WDR70: variants seen among roughly 807,000 people sequenced by gnomAD.
WDR70 encodes WD repeat-containing protein 70.
A neutral mutation model predicts 88.6 loss-of-function variants in WDR70; 53 were observed. The observed-to-expected ratio is 0.60, with a 90% CI of 0.48 to 0.75. WDR70 has a LOEUF of 0.75. Ranked by LOEUF, WDR70 falls within the 30% of genes least tolerant of loss-of-function variation. WDR70 has a pLI of 0.00. For synonymous variants in WDR70, 280 were observed against 270.0 expected (o/e 1.04, Z -0.36); for missense variants, 610 against 823.2 (o/e 0.74, Z 3.17).
intron 7 of WDR70, among the ~76,000 whole-genome samples, chr5:37,473,633 C>T (rs551359825): frequency 2.1e-4 from 32 of 152,270 alleles, no homozygotes; most frequent in East Asian, 9.6e-4. Context: ...CTTGAGCCAC[C>T]GCGCCTGGCC....
intron 10 of WDR70, among the ~76,000 whole-genome samples, chr5:37,681,509 G>T (rs1008071749): frequency 6.6e-6 from 1 of 152,012 alleles, no homozygotes; most frequent in Admixed American, 6.6e-5. Flanking sequence ...CCTGTTTCTG[G>T]TTTCAAGATC....
chr5:37,694,104 TC>T (rs1746904021), intron 10 of WDR70, among the ~76,000 whole-genome samples: 1 of 152,160 alleles, frequency 6.6e-6, no homozygotes, highest in Admixed American at 6.5e-5. Context: ...AAAATGCTCA[TC>T]GTCACTGATT....
chr5:37,389,286 T>G (rs1748732598), intron 3 of WDR70, among the ~76,000 whole-genome samples: 2 of 128,592 alleles, frequency 1.6e-5, no homozygotes, highest in African/African-American at 9.4e-5. Context: ...AGAGACAGGG[T>G]TTCACCTGTC....
At chr5:37,579,980 T>A (rs1308141587) in intron 9 of WDR70, among the ~76,000 whole-genome samples, 3 of 152,212 alleles carry the variant, frequency 2.0e-5, no homozygotes, top group South Asian at 2.1e-4. Context: ...TCATTAGAGG[T>A]CATACGCTTC....
chr5:37,465,406 A>G (rs1026767952), intron 7 of WDR70, among the ~76,000 whole-genome samples: 1 of 152,236 alleles, frequency 6.6e-6, no homozygotes, highest in Non-Finnish European at 1.5e-5. Flanking sequence ...GTACTCTGGA[A>G]TCAGTACATT....
intron 9 of WDR70, among the ~76,000 whole-genome samples, chr5:37,574,934 G>T (rs1242225917): frequency 1.3e-5 from 2 of 152,034 alleles, no homozygotes; most frequent in African/African-American, 4.8e-5. Context: ...GACCCATGTT[G>T]TCCAGTACAT....
chr5:37,561,936 GAA>G (rs953376466), intron 9 of WDR70, among the ~76,000 whole-genome samples: 2 of 152,154 alleles, frequency 1.3e-5, no homozygotes, highest in African/African-American at 4.8e-5. Flanking sequence ...TAGTGGCAAG[GAA>G]AAAAGAGGCA....
chr5:37,479,234 T>G (rs1739578643), intron 7 of WDR70, among the ~76,000 whole-genome samples: 1 of 152,102 alleles, frequency 6.6e-6, no homozygotes, highest in African/African-American at 2.4e-5. Flanking sequence ...CCAGAAGATT[T>G]AACAGCTGAA....
intron 5 of WDR70, among the ~76,000 whole-genome samples, chr5:37,431,287 A>G (rs1163331020): frequency 6.6e-6 from 1 of 152,260 alleles, no homozygotes; most frequent in Non-Finnish European, 1.5e-5. Flanking sequence ...ATAGTTAATT[A>G]TAAGAGTGAC....
In WDR70 at chr5:37,612,953, A is replaced by G. The variant is rs538051792; in HGVS notation, c.1092+7715A>G. On this transcript the variant is annotated intron_variant, in intron 10 of 17. Coordinates refer to ENST00000265107, the MANE Select transcript of WDR70 (RefSeq NM_018034.4). ...AAGTATATCATTGATTCAAAACACA[A>G]AACCATCATAACTGCAAATTACTTG... Among the ~76,000 whole-genome samples, 4 of 152,356 alleles carry G rather than the reference A, an allele frequency of 2.6e-5. No individual in the cohort carries two copies. The South Asian group carries it at 8.3e-4, about 32-fold the overall frequency.
intron 10 of WDR70, among the ~76,000 whole-genome samples, chr5:37,685,013 G>A (rs1737886370): frequency 6.6e-6 from 1 of 152,180 alleles, no homozygotes; most frequent in African/African-American, 2.4e-5. Flanking sequence ...AGGTCTGTGT[G>A]TGCCCTCTGT....
At chr5:37,622,528 G>T (rs898517585) in intron 10 of WDR70, among the ~76,000 whole-genome samples, 1 of 152,178 alleles carries the variant, frequency 6.6e-6, no homozygotes, top group Non-Finnish European at 1.5e-5. Context: ...TTAAGAAAAT[G>T]TGGCACATAT....
intron 7 of WDR70, among the ~76,000 whole-genome samples, chr5:37,462,750 A>C (rs183115392): frequency 3.3e-5 from 5 of 152,162 alleles, no homozygotes; most frequent in Admixed American, 2.6e-4. Context: ...CATTGGAAAT[A>C]AAGTAGTAAT....
At chr5:37,706,442 G>A (rs1189915816) in intron 13 of WDR70, among the ~76,000 whole-genome samples, 1 of 152,098 alleles carries the variant, frequency 6.6e-6, no homozygotes, top group Non-Finnish European at 1.5e-5. Context: ...GGACCTGGTG[G>A]GATGTATTTG....
intron 17 of WDR70, among the ~76,000 whole-genome samples, chr5:37,745,913 G>A (rs578168390): frequency 2.6e-5 from 4 of 152,178 alleles, no homozygotes; most frequent in African/African-American, 9.6e-5. Context: ...CTCAGCTCTC[G>A]ATCAAATGGA....
chr5:37,708,392 G>T (rs1474724959), intron 13 of WDR70, among the ~76,000 whole-genome samples: 1 of 150,396 alleles, frequency 6.6e-6, no homozygotes, highest in African/African-American at 2.5e-5. Flanking sequence ...GGCCTGGTGT[G>T]GTATAAATGT....
intron 10 of WDR70, among the ~76,000 whole-genome samples, chr5:37,634,159 C>T (rs56234447): frequency 0.47 from 71,227 of 151,372 alleles, 18,290 homozygotes; most frequent in Non-Finnish European, 0.58. Flanking sequence ...ATTAGCTGGA[C>T]GTGGTGGCAG....
At chr5:37,670,818 C>G (rs538593975) in intron 10 of WDR70, among the ~76,000 whole-genome samples, 1 of 152,268 alleles carries the variant, frequency 6.6e-6, no homozygotes, top group South Asian at 2.1e-4. Context: ...TGAAATGAAA[C>G]CTTCACGGAA....
chr5:37,748,919 G>A (rs1328950589), intron 17 of WDR70, among the ~76,000 whole-genome samples: 3 of 152,130 alleles, frequency 2.0e-5, no homozygotes, highest in Admixed American at 6.5e-5. Flanking sequence ...ACCACCTCAC[G>A]CCAGTGAGAA....
Sources: allele counts gnomAD v4.1 joint callset (sites outside exome capture counted in the v4.1 genomes callset), GRCh38; gene constraint gnomAD v4.1.1; transcripts MANE v1.5; gene names NCBI Gene and HGNC (gene_info 2026-07-23, HGNC 2026-07-21).